LYRM4: variants seen among roughly 807,000 people sequenced by gnomAD.
LYRM4 encodes LYR motif containing 4.
A neutral mutation model predicts 11.7 loss-of-function variants in LYRM4; 9 were observed. The ratio of observed to expected loss-of-function variants is 0.77; its 90% CI spans 0.46 to 1.34. The LOEUF is 1.34. Among genes scored for constraint, LYRM4 ranks in the 40% most tolerant of loss-of-function variants. The probability of loss-of-function intolerance (pLI) is 0.00; values close to 1 mark genes in which losing one functional copy is unlikely to be tolerated. For missense variants in LYRM4, 133 were observed against 112.5 expected (o/e 1.18, Z -0.82); for synonymous variants, 42 against 40.4 (o/e 1.04, Z -0.15).
At position 5,232,873 on chromosome 6, in the gene LYRM4, C is replaced by T. The variant is rs185722701; in HGVS notation, c.87-16135G>A. On this transcript the variant is annotated intron_variant, in intron 1 of 2. Coordinates refer to ENST00000330636, the MANE Select transcript of LYRM4 (RefSeq NM_020408.6). ...TGATACAATAAGCCCTGTTCAGAATCAACAAACAGCAGCTTCCCTGTGGGT... is the reference window on the plus strand; with the variant it reads ...TGATACAATAAGCCCTGTTCAGAATTAACAAACAGCAGCTTCCCTGTGGGT... Among the ~76,000 whole-genome samples the T allele has an allele frequency of 2.1e-3, 322 of 152,306 alleles. 1 individual carries two copies. Among genetic ancestry groups the T allele is most frequent in the African/African-American group, 6.8e-3 (281 of 41,570 alleles).
intron 1 of LYRM4, among the ~76,000 whole-genome samples, chr6:5,258,038 C>T (rs1166100294): frequency 6.6e-6 from 1 of 152,100 alleles, no homozygotes; most frequent in East Asian, 1.9e-4. Context: ...AGAGGGGGCA[C>T]TCTAGACAGG....
At chr6:5,181,510 G>T (rs1049663347) in intron 2 of LYRM4, among the ~76,000 whole-genome samples, 1 of 152,066 alleles carries the variant, frequency 6.6e-6, no homozygotes, top group African/African-American at 2.4e-5. Flanking sequence ...CCCCACGCGG[G>T]CCCATCTGCC....
chr6:5,218,437 G>GT (rs2127726049), intron 1 of LYRM4: 1 of 957,034 alleles, frequency 1.0e-6, no homozygotes, highest in African/African-American at 1.8e-5. Flanking sequence ...TTCAGATAAA[G>GT]TTTTTTAAAG....
the LYRM4 span, chr6:5,086,633 A>G: frequency 7.9e-7 from 1 of 1,262,018 alleles, no homozygotes; most frequent in Non-Finnish European, 1.1e-6. Flanking sequence ...CGCCTCAAGG[A>G]ACTTGCTGGG....
chr6:5,241,784 T>A (rs1000723805), intron 1 of LYRM4, among the ~76,000 whole-genome samples: 6 of 152,112 alleles, frequency 3.9e-5, no homozygotes, highest in Non-Finnish European at 8.8e-5. Context: ...ATGTTATATA[T>A]CAATATCAAA....
At chr6:5,195,688 G>T (rs1761013068) in intron 2 of LYRM4, among the ~76,000 whole-genome samples, 1 of 152,054 alleles carries the variant, frequency 6.6e-6, no homozygotes, top group South Asian at 2.1e-4. Flanking sequence ...CTTCTCACAA[G>T]GACCTCAGTG....
chr6:5,052,976 GTTACTGTCTCTTATATTATGGA>G, the LYRM4 span, among the ~76,000 whole-genome samples: 1 of 152,092 alleles, frequency 6.6e-6, no homozygotes, highest in Non-Finnish European at 1.5e-5. Flanking sequence ...GTGAAGACCA[GTTACTGTCTCTTATATTATGGA>G]GCCATGCAAA....
intron 2 of LYRM4, among the ~76,000 whole-genome samples, chr6:5,166,345 G>A (rs536006881): frequency 1.3e-4 from 20 of 152,326 alleles, no homozygotes; most frequent in Admixed American, 8.5e-4. Flanking sequence ...CATAAACAGC[G>A]GAGAGCTGAG....
chr6:5,209,950 CT>C (rs1354083440), intron 2 of LYRM4, among the ~76,000 whole-genome samples: 1 of 152,166 alleles, frequency 6.6e-6, no homozygotes, highest in East Asian at 1.9e-4. Context: ...AGAAAACTGT[CT>C]GATCAGAGAT....
chr6:5,128,053 C>T (rs1020861826), intron 2 of LYRM4, among the ~76,000 whole-genome samples: 1 of 152,172 alleles, frequency 6.6e-6, no homozygotes, highest in Non-Finnish European at 1.5e-5. Context: ...GACATTTACA[C>T]CATCCTTTAC....
intron 2 of LYRM4, among the ~76,000 whole-genome samples, chr6:5,154,507 C>T (rs1188758853): frequency 6.6e-6 from 1 of 152,170 alleles, no homozygotes; most frequent in Admixed American, 6.5e-5. Context: ...CCCAACACCT[C>T]ATACAGATTA....
chr6:5,224,496 T>C (rs966740073), intron 1 of LYRM4, among the ~76,000 whole-genome samples: 2 of 152,238 alleles, frequency 1.3e-5, no homozygotes, highest in Non-Finnish European at 2.9e-5. Context: ...CTTAATATTT[T>C]ACCCAGTAAT....
downstream of LYRM4, chr6:5,105,480 G>A (rs1273825208): frequency 6.6e-6 from 1 of 152,320 alleles, no homozygotes; most frequent in Non-Finnish European, 1.5e-5. Context: ...ATCTCTCCCA[G>A]TGTATCCCCT....
intron 2 of LYRM4, among the ~76,000 whole-genome samples, chr6:5,114,094 A>G (rs1205682087): frequency 6.6e-6 from 1 of 152,160 alleles, no homozygotes; most frequent in Non-Finnish European, 1.5e-5. Flanking sequence ...CATCTAGGAC[A>G]GTTCTTTGAA....
chr6:5,096,327 A>ATT, the LYRM4 span, among the ~76,000 whole-genome samples: 1 of 152,020 alleles, frequency 6.6e-6, no homozygotes, highest in Admixed American at 6.6e-5. Context: ...CTATATCTAC[A>ATT]AAAAATTTAA....
chr6:5,123,072 G>A (rs1258642120), intron 2 of LYRM4, among the ~76,000 whole-genome samples: 1 of 152,200 alleles, frequency 6.6e-6, no homozygotes, highest in East Asian at 1.9e-4. Context: ...CCAACTACCT[G>A]GGCTCCTTTG....
At chr6:5,049,304 A>G in the LYRM4 span, among the ~76,000 whole-genome samples, 1 of 152,122 alleles carries the variant, frequency 6.6e-6, no homozygotes, top group Non-Finnish European at 1.5e-5. Context: ...TGGGCTCTCC[A>G]TTGGACTCTG....
intron 2 of LYRM4, among the ~76,000 whole-genome samples, chr6:5,110,595 A>T (rs1187871269): frequency 3.9e-5 from 6 of 152,102 alleles, no homozygotes; most frequent in Non-Finnish European, 7.3e-5. Flanking sequence ...AGGCGAGAGC[A>T]GCACGTCATC....
chr6:5,250,436 T>C (rs1764375024), intron 1 of LYRM4, among the ~76,000 whole-genome samples: 1 of 152,204 alleles, frequency 6.6e-6, no homozygotes, highest in South Asian at 2.1e-4. Flanking sequence ...CTAAATATCT[T>C]AAATATTTTC....
Sources: allele counts gnomAD v4.1 joint callset (sites outside exome capture counted in the v4.1 genomes callset), GRCh38; gene constraint gnomAD v4.1.1; transcripts MANE v1.5; gene names NCBI Gene and HGNC (gene_info 2026-07-23, HGNC 2026-07-21).